Variants in CTNNA2 observed in about 807,000 individuals in gnomAD.
CTNNA2 encodes catenin alpha-2.
Under a neutral mutation model 101.0 loss-of-function variants are expected in CTNNA2, and 42 were observed. That is an observed-to-expected ratio of 0.42 (90% CI 0.32 to 0.54). The LOEUF is 0.54. CTNNA2 is among the 20% of genes least tolerant of loss of function. CTNNA2 has a pLI of 0.14. For synonymous variants in CTNNA2, 450 were observed against 456.4 expected (o/e 0.99, Z 0.18); for missense variants, 871 against 1,223.1 (o/e 0.71, Z 4.29).
rs117486588 is a variant in CTNNA2, at chr2:80,159,822, G to A, written c.1057-233389G>A. Among the ~76,000 whole-genome samples, 112 of 152,244 alleles carry A rather than the reference G, an allele frequency of 7.4e-4. No individual in the cohort carries two copies. The East Asian group carries it at 0.02, about 28-fold the overall frequency. On this transcript the variant is annotated intron_variant, in intron 7 of 18. Coordinates refer to ENST00000402739, the MANE Select transcript of CTNNA2 (RefSeq NM_001282597.3). ...TAACAGGACCTTTCACAGAGCAAAA[G>A]TTTTCAATTTTGAAGTTCAATTTAT...
At chr2:79,880,000 CT>C (rs1339174926) in intron 6 of CTNNA2, among the ~76,000 whole-genome samples, 1 of 152,086 alleles carries the variant, frequency 6.6e-6, no homozygotes, top group Non-Finnish European at 1.5e-5. Context: ...TCCATCAATA[CT>C]TAGTTTATTG....
chr2:79,757,688 C>T (rs529425368), intron 3 of CTNNA2, among the ~76,000 whole-genome samples: 1 of 152,188 alleles, frequency 6.6e-6, no homozygotes, highest in Non-Finnish European at 1.5e-5. Context: ...AGAACACAGC[C>T]ACAGGTGGCT....
chr2:79,189,352 A>T (rs1257785529), intron 1 of CTNNA2, among the ~76,000 whole-genome samples: 12 of 152,018 alleles, frequency 7.9e-5, no homozygotes, highest in Admixed American at 7.9e-4. Context: ...TTTTGGCTTT[A>T]TTATTTTCTC....
intron 1 of CTNNA2, among the ~76,000 whole-genome samples, chr2:79,641,584 A>G (rs1327397076): frequency 1.3e-5 from 2 of 152,152 alleles, no homozygotes; most frequent in African/African-American, 4.8e-5. Context: ...AAGAAATTTC[A>G]TTTAGACAAT....
chr2:79,198,646 T>C (rs942469027), intron 2 of CTNNA2, among the ~76,000 whole-genome samples: 1 of 152,214 alleles, frequency 6.6e-6, no homozygotes, highest in Admixed American at 6.5e-5. Context: ...TTCTACCATA[T>C]AGCTCTTTTG....
At chr2:80,382,693 C>T (rs1392416434) in intron 7 of CTNNA2, among the ~76,000 whole-genome samples, 4 of 152,166 alleles carry the variant, frequency 2.6e-5, no homozygotes, top group Non-Finnish European at 4.4e-5. Flanking sequence ...ACATACTTTC[C>T]ATAAATTAAG....
At chr2:80,541,677 G>T (rs1360331530) in intron 9 of CTNNA2, among the ~76,000 whole-genome samples, 1 of 151,986 alleles carries the variant, frequency 6.6e-6, no homozygotes. Flanking sequence ...GAAGCTCTGC[G>T]ATCTGGGGAG....
intron 7 of CTNNA2, among the ~76,000 whole-genome samples, chr2:80,189,796 A>T (rs1706367455): frequency 6.6e-6 from 1 of 152,106 alleles, no homozygotes; most frequent in Admixed American, 6.5e-5. Context: ...AAAACAAAAA[A>T]ATATTTCCCC....
At chr2:79,251,251 T>G (rs1336910742) in intron 2 of CTNNA2, among the ~76,000 whole-genome samples, 1 of 152,186 alleles carries the variant, frequency 6.6e-6, no homozygotes, top group Admixed American at 6.5e-5. Context: ...ACTTCCAGTT[T>G]ATGCTCTGTT....
At chr2:80,116,108 G>A (rs746945669) in intron 7 of CTNNA2, among the ~76,000 whole-genome samples, 1 of 151,966 alleles carries the variant, frequency 6.6e-6, no homozygotes. Context: ...GTGGTTGTGG[G>A]CTACCTATAG....
intron 9 of CTNNA2, among the ~76,000 whole-genome samples, chr2:80,458,639 C>T (rs1346723725): frequency 6.6e-6 from 1 of 152,120 alleles, no homozygotes; most frequent in Non-Finnish European, 1.5e-5. Flanking sequence ...TTTTAGCAGA[C>T]TGCTTTCTGA....
intron 2 of CTNNA2, chr2:79,687,753 A>C: frequency 2.0e-6 from 1 of 490,340 alleles, no homozygotes; most frequent in Non-Finnish European, 3.6e-6. Context: ...ATATCCCAAA[A>C]TGCTGAAAAT....
At chr2:79,270,710 C>CA (rs1675062727) in intron 2 of CTNNA2, among the ~76,000 whole-genome samples, 1 of 152,092 alleles carries the variant, frequency 6.6e-6, no homozygotes, top group East Asian at 1.9e-4. Context: ...TGAAAAAATG[C>CA]ACTTGAGGTC....
intron 3 of CTNNA2, among the ~76,000 whole-genome samples, chr2:79,771,213 A>C (rs1673549176): frequency 6.6e-6 from 1 of 152,200 alleles, no homozygotes; most frequent in Non-Finnish European, 1.5e-5. Flanking sequence ...AATGAGAACT[A>C]GAATATACTT....
intron 2 of CTNNA2, among the ~76,000 whole-genome samples, chr2:79,238,608 G>A (rs1310326055): frequency 6.6e-6 from 1 of 152,144 alleles, no homozygotes; most frequent in Non-Finnish European, 1.5e-5. Flanking sequence ...AGATATGCCT[G>A]TATTAATTTT....
At chr2:80,514,170 G>A (rs368899731) in intron 9 of CTNNA2, among the ~76,000 whole-genome samples, 3 of 152,120 alleles carry the variant, frequency 2.0e-5, no homozygotes, top group South Asian at 2.1e-4. Flanking sequence ...TTGGACTTGC[G>A]ATGGGGGTGC....
At chr2:79,952,187 C>T (rs748490527) in intron 7 of CTNNA2, among the ~76,000 whole-genome samples, 36 of 152,266 alleles carry the variant, frequency 2.4e-4, no homozygotes, top group Admixed American at 4.6e-4. Context: ...ACTCCCACTG[C>T]TTATTTTTTA....
At chr2:79,441,487 A>G (rs147331671) in intron 4 of CTNNA2, among the ~76,000 whole-genome samples, 1 of 152,262 alleles carries the variant, frequency 6.6e-6, no homozygotes, top group Non-Finnish European at 1.5e-5. Context: ...GGACTGAAGC[A>G]TGACACCTGG....
In CTNNA2 at chr2:80,302,753, G is replaced by A. The variant is rs1468749327; in HGVS notation, c.1057-90458G>A. 1 of 1,613,190 alleles carries A rather than the reference G, an allele frequency of 6.2e-7. No individual in the cohort carries two copies. Among genetic ancestry groups the A allele is most frequent in the Non-Finnish European group, 8.5e-7 (1 of 1,179,892 alleles). On this transcript the variant is annotated intron_variant, in intron 7 of 18. Coordinates refer to ENST00000402739, the MANE Select transcript of CTNNA2 (RefSeq NM_001282597.3). This position sits in a 1 kb window ranked among gnomAD's most constrained non-coding sequence, Gnocchi z 6.4. ...CTCGCACAGGTGGAAGGCGTACACG[G>A]CGTCCAGGACGTCCTCGCCCTGTGC...
Sources: allele counts gnomAD v4.1 joint callset (sites outside exome capture counted in the v4.1 genomes callset), GRCh38; gene constraint gnomAD v4.1.1; non-coding constraint Gnocchi (gnomAD v3.1); transcripts MANE v1.5; gene names NCBI Gene and HGNC (gene_info 2026-07-23, HGNC 2026-07-21).